The following ASXL3 variants were observed in gnomAD, a reference collection of about 807,000 sequenced individuals.
ASXL3 encodes the protein putative Polycomb group protein ASXL3.
ASXL3 carries 34 observed loss-of-function variants against 170.6 expected under a neutral mutation model. The ratio of observed to expected loss-of-function variants is 0.20; its 90% CI spans 0.15 to 0.27. The LOEUF is 0.27. ASXL3 is among the 10% of genes least tolerant of loss of function. ASXL3 has a pLI of 1.00. For synonymous variants in ASXL3, 1,002 were observed against 989.1 expected (o/e 1.01, Z -0.24); for missense variants, 2,592 against 2,695.3 (o/e 0.96, Z 0.85).
chr18:33,657,515 C>G (rs2066102855), intron 4 of ASXL3, among the ~76,000 whole-genome samples: 1 of 152,072 alleles, frequency 6.6e-6, no homozygotes. Context: ...ATATCCCCTC[C>G]CTAGCATGCA....
intron 2 of ASXL3, among the ~76,000 whole-genome samples, chr18:33,633,614 G>T (rs189245907): frequency 4.6e-5 from 7 of 152,062 alleles, no homozygotes; most frequent in East Asian, 1.9e-4. Context: ...GAGGCCAAGG[G>T]GGGTGGATCA....
Position 33,684,525 on chromosome 18 carries a change from C to G in ASXL3, c.879+957C>G, listed in dbSNP as rs550861934. On this transcript the variant is annotated intron_variant, in intron 8 of 11. Transcript: ENST00000269197. ...AGTTTGCTACAATTTATATGTATCT[C>G]TTTGGTGGTGATTATTGTTCATATT... Among the ~76,000 whole-genome samples, 27 of 152,112 alleles carry G rather than the reference C, an allele frequency of 1.8e-4. No homozygotes were observed. In the East Asian group the frequency reaches 4.6e-3, roughly 26 times the overall value.
intron 7 of ASXL3, among the ~76,000 whole-genome samples, chr18:33,682,596 T>C (rs1426577534): frequency 6.6e-6 from 1 of 152,150 alleles, no homozygotes. Context: ...TCACTGAGGC[T>C]GAGTGCAGTG....
At position 33,593,258 on chromosome 18, in the gene ASXL3, C is replaced by CTTTT. The variant is rs34699815; in HGVS notation, c.55-14316_55-14313dup. On this transcript the variant is annotated intron_variant, in intron 1 of 11. Transcript: ENST00000269197. ...CTTTTCTTTCTCCCCCTATGCCCAC[C>CTTTT]TTTTTTTTTTTTTTTTTTTTTTTGG... 5.7e-4 allele frequency among the ~76,000 whole-genome samples: 50 copies of CTTTT among 87,922 alleles called. 1 individual carries two copies. The highest frequency in any genetic ancestry group is 1.7e-3 in the African/African-American group (38 of 22,192). 57.7% of individuals were successfully genotyped at this position (87,922 alleles called of 152,430 possible).
intron 8 of ASXL3, among the ~76,000 whole-genome samples, chr18:33,692,374 A>G (rs1317863153): frequency 6.6e-6 from 1 of 152,098 alleles, no homozygotes; most frequent in Non-Finnish European, 1.5e-5. Context: ...GGAGTTAGCC[A>G]TACCCTCCTT....
chr18:33,584,262 TGGG>T (rs367566630), intron 1 of ASXL3, among the ~76,000 whole-genome samples: 4 of 151,548 alleles, frequency 2.6e-5, no homozygotes, highest in African/African-American at 7.3e-5. Context: ...CCAGAAGACT[TGGG>T]GGGGCATAGG....
intron 2 of ASXL3, among the ~76,000 whole-genome samples, chr18:33,609,592 A>T (rs16964793): frequency 6.6e-6 from 1 of 151,962 alleles, no homozygotes. Flanking sequence ...AACAAATTTT[A>T]AAAACCAACT....
chr18:33,697,876 A>C (rs867265485), intron 8 of ASXL3, among the ~76,000 whole-genome samples: 2 of 152,020 alleles, frequency 1.3e-5, no homozygotes, highest in Middle Eastern at 3.2e-3. Context: ...CATTCAGCTG[A>C]AGAACTCCAG....
chr18:33,711,494 T>G (rs117734898), intron 8 of ASXL3, among the ~76,000 whole-genome samples: 164 of 152,354 alleles, frequency 1.1e-3, no homozygotes, highest in Non-Finnish European at 1.3e-3. Context: ...AAATCTGAAT[T>G]CCCAAATGAC....
At chr18:33,701,570 AC>A (rs1302742130) in intron 8 of ASXL3, among the ~76,000 whole-genome samples, 1 of 151,506 alleles carries the variant, frequency 6.6e-6, no homozygotes, top group African/African-American at 2.4e-5. Flanking sequence ...TTTTTTCTTC[AC>A]TGATTTTTGG....
At chr18:33,643,745 T>A (rs77777102) in intron 2 of ASXL3, among the ~76,000 whole-genome samples, 5,130 of 151,860 alleles carry the variant, frequency 0.034, 132 homozygotes, top group Non-Finnish European at 0.047. Context: ...AGGAGCAAAA[T>A]TATGTCTTTA....
intron 1 of ASXL3, among the ~76,000 whole-genome samples, chr18:33,606,517 A>G (rs955188525): frequency 1.1e-4 from 16 of 152,146 alleles, no homozygotes; most frequent in Admixed American, 7.2e-4. Context: ...TATTGACAGT[A>G]TAAGAGATCA....
chr18:33,583,092 T>A (rs796705526), intron 1 of ASXL3, among the ~76,000 whole-genome samples: 10 of 152,314 alleles, frequency 6.6e-5, no homozygotes, highest in African/African-American at 2.2e-4. Flanking sequence ...CAATTCATAA[T>A]TGTGTAATTT....
chr18:33,609,638 A>G (rs559347203), intron 2 of ASXL3, among the ~76,000 whole-genome samples: 105 of 152,126 alleles, frequency 6.9e-4, no homozygotes, highest in African/African-American at 2.5e-3. Context: ...TGAAATGGGA[A>G]ACATAACTCC....
At chr18:33,717,922 G>C (rs903035542) in intron 8 of ASXL3, among the ~76,000 whole-genome samples, 4 of 152,032 alleles carry the variant, frequency 2.6e-5, no homozygotes, top group Non-Finnish European at 4.4e-5. Context: ...TAACAGTAAC[G>C]TAACTGTAGT....
intron 10 of ASXL3, among the ~76,000 whole-genome samples, chr18:33,737,523 ACT>A (rs749097090): frequency 6.6e-6 from 1 of 151,954 alleles, no homozygotes; most frequent in South Asian, 2.1e-4. Flanking sequence ...CTTGATTGTA[ACT>A]CTGATTAGAT....
chr18:33,745,117 A>C lies in ASXL3; in HGVS notation c.5269A>C (p.Asn1757His), dbSNP rs746815904. 2.5e-6 allele frequency: 4 copies of C among 1,614,034 alleles called. No homozygotes were observed. The highest frequency in any genetic ancestry group is 3.4e-6 in the Non-Finnish European group (4 of 1,179,902). ...GCTGGTGACGCAGTTACTACAGGGC[A>C]ACCTGCCTTTGGAAAAAGTGTTGCC... Reference protein sequence around the residue: ...NPLVTQLLQGNLPLEKVLPQP... With the variant: ...NPLVTQLLQGHLPLEKVLPQP... Residue 1757 changes from asparagine (N) to histidine (H), a missense_variant, in exon 12 of 12, where the codon AAC (asparagine) becomes CAC (histidine). This residue lies in a region of ASXL3 where 2,246 missense variants were observed against 2,219.6 expected (regional missense o/e 1.01). Transcript: ENST00000269197.
intron 1 of ASXL3, among the ~76,000 whole-genome samples, chr18:33,593,699 G>C (rs1488767158): frequency 6.6e-6 from 1 of 151,946 alleles, no homozygotes; most frequent in Admixed American, 6.6e-5. Context: ...TCACAAACAG[G>C]GATTAAGTTG....
chr18:33,668,472 G>A (rs2066292971), intron 5 of ASXL3, among the ~76,000 whole-genome samples: 1 of 151,572 alleles, frequency 6.6e-6, no homozygotes, highest in Non-Finnish European at 1.5e-5. Flanking sequence ...TATATAGTAG[G>A]CATTTAGTTT....
Sources: allele counts gnomAD v4.1 joint callset (sites outside exome capture counted in the v4.1 genomes callset), GRCh38; gene constraint gnomAD v4.1.1; regional missense constraint gnomAD v4.1.1; transcripts MANE v1.5; gene names NCBI Gene and HGNC (gene_info 2026-07-23, HGNC 2026-07-21).